The following JARID2 variants were observed in gnomAD, a reference collection of about 807,000 sequenced individuals.
JARID2 encodes jumonji and AT-rich interaction domain containing 2.
JARID2 carries 21 observed loss-of-function variants against 125.6 expected under a neutral mutation model. The observed-to-expected ratio is 0.17, with a 90% CI of 0.12 to 0.24. The LOEUF is 0.24. Among genes scored for constraint, JARID2 ranks in the 10% least tolerant of loss-of-function variants. The probability of loss-of-function intolerance (pLI) is 1.00; values close to 1 mark genes in which losing one functional copy is unlikely to be tolerated. For missense variants in JARID2, 1,303 were observed against 1,639.6 expected, an observed-to-expected ratio of 0.79 and a Z score of 3.55; for synonymous variants, 736 against 661.6, an observed-to-expected ratio of 1.11 and a Z score of -1.73.
chr6:15,354,266 A>G lies in JARID2; in HGVS notation c.46-19851A>G, dbSNP rs183752639. On this transcript the variant is annotated intron_variant, in intron 1 of 17. Coordinates refer to ENST00000341776, the MANE Select transcript of JARID2 (RefSeq NM_004973.4). ...AGGATGGATAAGGGGGCCACAAGCC[A>G]TGGCATATTAGCAGCCGTTAGAAGC... is the stretch of plus-strand genomic sequence containing the variant. Among the ~76,000 whole-genome samples the G allele has an allele frequency of 7.9e-5, 12 of 152,320 alleles. No homozygotes were observed. In the East Asian group the frequency reaches 2.3e-3, roughly 29 times the overall value.
At chr6:15,455,797 G>C (rs1768149612) in intron 4 of JARID2, among the ~76,000 whole-genome samples, 1 of 152,160 alleles carries the variant, frequency 6.6e-6, no homozygotes, top group Non-Finnish European at 1.5e-5. Context: ...CAAAGTGCTG[G>C]GATTACAGGC....
chr6:15,469,290 GTC>G (rs1165786020), intron 5 of JARID2, among the ~76,000 whole-genome samples: 13 of 76,818 alleles, frequency 1.7e-4, no homozygotes, highest in East Asian at 4.4e-4. Context: ...CTCTGTCTCT[GTC>G]TCTCTGTCTC....
chr6:15,388,546 G>C (rs1389877709), intron 2 of JARID2, among the ~76,000 whole-genome samples: 2 of 150,256 alleles, frequency 1.3e-5, no homozygotes, highest in Non-Finnish European at 3.0e-5. Context: ...GGAGGTGTGG[G>C]GATGAGGAGA....
At chr6:15,266,369 C>A (rs956616559) in intron 1 of JARID2, among the ~76,000 whole-genome samples, 1 of 152,172 alleles carries the variant, frequency 6.6e-6, no homozygotes, top group African/African-American at 2.4e-5. Context: ...TAACGTCTTC[C>A]CAAATTCCTT....
At chr6:15,423,196 C>G (rs1184898866) in intron 3 of JARID2, among the ~76,000 whole-genome samples, 1 of 152,020 alleles carries the variant, frequency 6.6e-6, no homozygotes. Context: ...AGTAGGTTTT[C>G]ACCATGTTGC....
intron 3 of JARID2, among the ~76,000 whole-genome samples, chr6:15,443,884 G>T (rs574146514): frequency 6.6e-6 from 1 of 152,246 alleles, no homozygotes; most frequent in African/African-American, 2.4e-5. Context: ...TCTTTTGCTT[G>T]TACCACTGAC....
intron 1 of JARID2, among the ~76,000 whole-genome samples, chr6:15,280,650 A>G (rs1760715592): frequency 7.1e-6 from 1 of 140,336 alleles, no homozygotes; most frequent in African/African-American, 2.7e-5. Context: ...TTTTTTTGAG[A>G]TGGAGTCTCG....
At chr6:15,346,824 C>T (rs1427811379) in intron 1 of JARID2, among the ~76,000 whole-genome samples, 1 of 150,494 alleles carries the variant, frequency 6.6e-6, no homozygotes, top group Non-Finnish European at 1.5e-5. Context: ...CAACCTCCAC[C>T]TCCTGGGTTC....
intron 1 of JARID2, among the ~76,000 whole-genome samples, chr6:15,367,360 C>T (rs375547377): frequency 3.3e-5 from 5 of 152,152 alleles, no homozygotes; most frequent in East Asian, 3.8e-4. Flanking sequence ...AATTGCATAA[C>T]GATGGTTTGC....
At position 15,315,675 on chromosome 6, in the gene JARID2, G is replaced by A. The variant is rs145063664; in HGVS notation, c.46-58442G>A. 1.9e-3 allele frequency among the ~76,000 whole-genome samples: 287 copies of A among 152,312 alleles called. 3 individuals are homozygous for A. Among genetic ancestry groups the A allele is most frequent in the Middle Eastern group, 3.4e-3 (1 of 294 alleles). Reference sequence around the variant, plus strand: ...AGGCTGCAAATCCCTAGAAGTTGTGGTTGTCCGGAAGTTACCAAAATAAAT... The same window carrying A: ...AGGCTGCAAATCCCTAGAAGTTGTGATTGTCCGGAAGTTACCAAAATAAAT... On this transcript the variant is annotated intron_variant, in intron 1 of 17. Coordinates refer to ENST00000341776, the MANE Select transcript of JARID2 (RefSeq NM_004973.4).
intron 3 of JARID2, 103 bp downstream of exon 3, chr6:15,410,468 T>G: frequency 8.9e-7 from 1 of 1,129,248 alleles, no homozygotes; most frequent in Non-Finnish European, 1.3e-6. Flanking sequence ...ACCCAATCTC[T>G]TGATTTTCAT....
At position 15,422,799 on chromosome 6, in the gene JARID2, G is replaced by C. The variant is rs75086573; in HGVS notation, c.323+12434G>C. Among the ~76,000 whole-genome samples, 1,099 of 152,218 alleles carry C rather than the reference G, an allele frequency of 7.2e-3. 14 individuals carry two copies. Among genetic ancestry groups the C allele is most frequent in the African/African-American group, 0.025 (1,045 of 41,516 alleles). On this transcript the variant is annotated intron_variant, in intron 3 of 17. Transcript: ENST00000341776. ...CCCCCTCCCTCTCTCAGAATTTTAA[G>C]TGCTTGGCAGAATACTGCTTATGTG...
chr6:15,476,132 G>A (rs1284095058), intron 5 of JARID2, among the ~76,000 whole-genome samples: 2 of 152,230 alleles, frequency 1.3e-5, no homozygotes, highest in Non-Finnish European at 2.9e-5. Context: ...CTGCTGAAAT[G>A]TGGGGAGATA....
At chr6:15,400,465 C>T (rs945498140) in intron 2 of JARID2, among the ~76,000 whole-genome samples, 35 of 144,450 alleles carry the variant, frequency 2.4e-4, no homozygotes, top group African/African-American at 8.3e-4. Context: ...CCCTGGAGTC[C>T]GCTGTCTGTG....
intron 4 of JARID2, among the ~76,000 whole-genome samples, chr6:15,452,487 G>GAC (rs1767961960): frequency 6.6e-6 from 1 of 152,078 alleles, no homozygotes; most frequent in Admixed American, 6.5e-5. Flanking sequence ...CCACCACCTT[G>GAC]ACACACACAC....
intron 3 of JARID2, among the ~76,000 whole-genome samples, chr6:15,412,997 C>A (rs1026403633): frequency 1.1e-5 from 1 of 92,576 alleles, no homozygotes. Context: ...ATGGGAAGAG[C>A]TTGTGTTTTT....
intron 9 of JARID2, among the ~76,000 whole-genome samples, chr6:15,506,199 A>G (rs1770997856): frequency 6.6e-6 from 1 of 152,180 alleles, no homozygotes; most frequent in African/African-American, 2.4e-5. Context: ...GGAGTTGGCC[A>G]CCACCTGGGA....
At chr6:15,340,104 T>C (rs1392756963) in intron 1 of JARID2, among the ~76,000 whole-genome samples, 1 of 152,058 alleles carries the variant, frequency 6.6e-6, no homozygotes. Context: ...GGATTACAGG[T>C]GCATGCCACC....
At chr6:15,269,264 G>A (rs1378246683) in intron 1 of JARID2, among the ~76,000 whole-genome samples, 2 of 152,130 alleles carry the variant, frequency 1.3e-5, no homozygotes, top group African/African-American at 4.8e-5. Flanking sequence ...ACTGGGCTGT[G>A]AGCATTCTTG....
Sources: gnomAD v4.1 joint callset for allele counts (sites outside exome capture counted in the v4.1 genomes callset) on GRCh38, gnomAD v4.1.1 for gene constraint, MANE v1.5 for transcripts, NCBI Gene and HGNC (gene_info 2026-07-23, HGNC 2026-07-21) for gene names.